ATP8B1: variants seen among roughly 807,000 people sequenced by gnomAD.
ATP8B1 encodes phospholipid-transporting ATPase IC.
ATP8B1 carries 80 observed loss-of-function variants against 149.9 expected under a neutral mutation model. That is an observed-to-expected ratio of 0.53 (90% CI 0.45 to 0.64). The LOEUF (loss-of-function observed/expected upper bound fraction) is 0.64. Among genes scored for constraint, ATP8B1 ranks in the 30% least tolerant of loss-of-function variants. ATP8B1 has a pLI of 0.00. For missense variants in ATP8B1, 1,247 were observed against 1,552.6 expected (o/e 0.80, Z 3.31); for synonymous variants, 536 against 562.8 (o/e 0.95, Z 0.67).
Position 57,706,601 on chromosome 18 carries a change from G to A in ATP8B1, c.182-14C>T. ...GCCATGTACATTCTTTAAAAAAAAG[G>A]GAGAAAAGTTCGTAAGTAGCAAATT... On this transcript the variant is annotated splice_polypyrimidine_tract_variant and intron_variant, in intron 2 of 27. Coordinates refer to ENST00000648908, the MANE Select transcript of ATP8B1 (RefSeq NM_001374385.1). 6.2e-7 allele frequency: 1 copy of A among 1,604,016 alleles called. No homozygotes were observed. The highest frequency in any genetic ancestry group is 2.2e-5 in the East Asian group (1 of 44,824).
intron 1 of ATP8B1, chr18:57,735,468 G>C (rs1464852925): frequency 6.5e-6 from 1 of 153,626 alleles, no homozygotes; most frequent in Non-Finnish European, 1.4e-5. Flanking sequence ...CCATTCCTTG[G>C]AATCCGTGAG....
intron 1 of ATP8B1, among the ~76,000 whole-genome samples, chr18:57,765,997 T>C (rs546466035): frequency 1.3e-5 from 2 of 151,624 alleles, no homozygotes; most frequent in African/African-American, 4.8e-5. Flanking sequence ...AATGTTAAGA[T>C]GGTAGATTGT....
chr18:57,730,488 G>A (rs2079751571), intron 2 of ATP8B1, among the ~76,000 whole-genome samples: 2 of 152,148 alleles, frequency 1.3e-5, no homozygotes, highest in Admixed American at 1.3e-4. Flanking sequence ...CAAATCTGGG[G>A]TCCAGAGAGA....
chr18:57,790,940 T>A (rs2080458306), intron 1 of ATP8B1, among the ~76,000 whole-genome samples: 1 of 152,168 alleles, frequency 6.6e-6, no homozygotes, highest in Non-Finnish European at 1.5e-5. Flanking sequence ...CAGGCTGGTG[T>A]CGAGCTCCTG....
intron 2 of ATP8B1, among the ~76,000 whole-genome samples, chr18:57,725,301 T>C (rs376785822): frequency 6.8e-6 from 1 of 147,864 alleles, no homozygotes; most frequent in East Asian, 2.0e-4. Flanking sequence ...ATGAATAAAA[T>C]AGCTAAGAAT....
At position 57,684,076 on chromosome 18, in the gene ATP8B1, C is replaced by A; in HGVS notation, c.1590G>T (p.Leu530Phe). Residue 530 changes from leucine to phenylalanine, a missense_variant, in exon 15 of 28, where the codon TTG becomes TTT. Leu to Phe is a conservative substitution (Grantham distance 22, BLOSUM62 0). Around this residue, in one of 3 missense-constraint regions of ATP8B1, gnomAD observed 853 missense variants for 1,035.7 expected, o/e 0.82. Transcript: ENST00000648908. ...CCATGACTGTGTGGCAAACTGCGAG[C>A]AAGAAGAAGAACTGTCGTACTTCTG... is the stretch of plus-strand genomic sequence containing the variant. ...KEPEVRQFFF[L>F]LAVCHTVMVD... is the part of the protein sequence containing the mutation. 1 of 1,614,116 alleles carries A rather than the reference C, an allele frequency of 6.2e-7. No individual in the cohort carries two copies. The highest frequency in any genetic ancestry group is 8.5e-7 in the Non-Finnish European group (1 of 1,180,030).
chr18:57,760,921 A>G (rs7234526), intron 1 of ATP8B1, among the ~76,000 whole-genome samples: 127,453 of 151,666 alleles, frequency 0.84, 54,196 homozygotes, highest in African/African-American at 0.94. Flanking sequence ...CCCAGGAGGC[A>G]GAGGTTGCAG....
chr18:57,688,202 A>C, intron 13 of ATP8B1, 97 bp downstream of exon 13: 1 of 1,345,306 alleles, frequency 7.4e-7, no homozygotes. Flanking sequence ...TCGAGAGGGC[A>C]CCAGCAATGC....
chr18:57,721,227 A>T (rs1395783811), intron 2 of ATP8B1, among the ~76,000 whole-genome samples: 4 of 143,600 alleles, frequency 2.8e-5, no homozygotes, highest in Non-Finnish European at 6.1e-5. Context: ...TAATGACAGG[A>T]TCAAATTCAC....
chr18:57,712,047 G>GGA (rs1390221920), intron 2 of ATP8B1, among the ~76,000 whole-genome samples: 23 of 123,136 alleles, frequency 1.9e-4, no homozygotes, highest in African/African-American at 7.5e-4. Context: ...CCCTCTATTG[G>GGA]CATATATATA....
At chr18:57,789,606 C>A (rs2080441829) in intron 1 of ATP8B1, among the ~76,000 whole-genome samples, 1 of 152,190 alleles carries the variant, frequency 6.6e-6, no homozygotes, top group South Asian at 2.1e-4. Flanking sequence ...AATTCCCTGG[C>A]TTTAGCAAGT....
Position 57,647,180 on chromosome 18 carries a change from T to A in ATP8B1, c.*1308A>T, listed in dbSNP as rs987856800. The stretch of plus-strand genomic sequence containing the variant: ...AATATTCTGCAATTTATTACTGATA[T>A]CCTCAGTTTTTAAAAACCCCCTTTT... On this transcript the variant is annotated 3_prime_UTR_variant, in exon 28 of 28. Transcript: ENST00000648908. 2.6e-5 allele frequency: 4 copies of A among 152,220 alleles called. No homozygotes were observed. Among genetic ancestry groups the A allele is most frequent in the Non-Finnish European group, 4.4e-5 (3 of 68,040 alleles). 9.4% of individuals were successfully genotyped at this position (152,220 alleles called of 1,614,324 possible). A position where few individuals can be genotyped will look rare whatever the true frequency, so the allele number is the denominator to read the frequency against.
At chr18:57,727,582 A>G (rs1342196297) in intron 2 of ATP8B1, among the ~76,000 whole-genome samples, 1 of 152,058 alleles carries the variant, frequency 6.6e-6, no homozygotes, top group East Asian at 1.9e-4. Context: ...CAAGTTCAGG[A>G]GATCGAGACC....
At chr18:57,673,045 A>ATG (rs1221584383) in intron 16 of ATP8B1, among the ~76,000 whole-genome samples, 11 of 146,972 alleles carry the variant, frequency 7.5e-5, no homozygotes, top group Middle Eastern at 3.6e-3. Context: ...ATAAATATAA[A>ATG]TGTGTGTGTG....
intron 1 of ATP8B1, among the ~76,000 whole-genome samples, chr18:57,797,916 G>A (rs1470578773): frequency 6.6e-6 from 1 of 152,062 alleles, no homozygotes; most frequent in East Asian, 1.9e-4. Context: ...TATGTGGGCA[G>A]GCTGGTCTTG....
intron 1 of ATP8B1, among the ~76,000 whole-genome samples, chr18:57,768,652 TGAA>T (rs2080239661): frequency 6.6e-6 from 1 of 150,546 alleles, no homozygotes; most frequent in African/African-American, 2.4e-5. Context: ...AAAGTCAGTA[TGAA>T]GGATTCAAAA....
intron 1 of ATP8B1, among the ~76,000 whole-genome samples, chr18:57,774,709 C>T (rs2080292369): frequency 6.6e-6 from 1 of 152,210 alleles, no homozygotes; most frequent in South Asian, 2.1e-4. Context: ...ACCCAGAATA[C>T]AGTACAATGT....
chr18:57,674,721 C>T, intron 16 of ATP8B1, 113 bp downstream of exon 16: 1 of 1,261,418 alleles, frequency 7.9e-7, no homozygotes, highest in East Asian at 2.4e-5. Flanking sequence ...CAGAAATCTC[C>T]CAGGAGCCAA....
intron 2 of ATP8B1, among the ~76,000 whole-genome samples, chr18:57,729,288 G>T (rs981124077): frequency 2.6e-5 from 4 of 152,124 alleles, no homozygotes; most frequent in Non-Finnish European, 5.9e-5. Flanking sequence ...ACCCCATGGA[G>T]CCAATTCTCC....
Sources: gnomAD v4.1 joint callset for allele counts (sites outside exome capture counted in the v4.1 genomes callset) on GRCh38, gnomAD v4.1.1 for gene constraint, gnomAD v4.1.1 regional missense constraint, MANE v1.5 for transcripts, NCBI Gene and HGNC (gene_info 2026-07-23, HGNC 2026-07-21) for gene names.